Variants in ATP6V0A4 observed in about 807,000 individuals in gnomAD.
ATP6V0A4 encodes the protein V-type proton ATPase 116 kDa subunit a 4.
Under a neutral mutation model 107.3 loss-of-function variants are expected in ATP6V0A4, and 86 were observed. The observed-to-expected ratio is 0.80, with a 90% CI of 0.67 to 0.96. ATP6V0A4 has a LOEUF of 0.96. Ranked by LOEUF, ATP6V0A4 falls within the 40% of genes least tolerant of loss-of-function variation. The probability of loss-of-function intolerance (pLI) is 0.00; values close to 1 mark genes in which losing one functional copy is unlikely to be tolerated. For synonymous variants in ATP6V0A4, 353 were observed against 381.4 expected (o/e 0.93, Z 0.87); for missense variants, 908 against 1,045.6 (o/e 0.87, Z 1.81).
Position 138,771,242 on chromosome 7 carries a change from C to A in ATP6V0A4, c.6G>T (p.Val2=). 1 of 1,613,360 alleles carries A rather than the reference C, an allele frequency of 6.2e-7. No individual in the cohort carries two copies. Among genetic ancestry groups the A allele is most frequent in the Non-Finnish European group, 8.5e-7 (1 of 1,179,394 alleles). The change falls in exon 3 of 22, where the codon GTG becomes GTT. Residue 2 remains valine, a synonymous_variant. Transcript: ENST00000310018. ...ACATCTCCTCGCTTCGAAACACAGACACCATCTTGGCCCAGCCTCGGTCTA... is the reference window on the plus strand; with the variant it reads ...ACATCTCCTCGCTTCGAAACACAGAAACCATCTTGGCCCAGCCTCGGTCTA... M[V]SVFRSEEMCL...
At chr7:138,792,583 C>T (rs942579685) in intron 1 of ATP6V0A4, among the ~76,000 whole-genome samples, 1 of 151,886 alleles carries the variant, frequency 6.6e-6, no homozygotes, top group African/African-American at 2.4e-5. Context: ...ACTTGGTAAG[C>T]TGATAGATTG....
chr7:138,713,384 A>G (rs1172747355), intron 20 of ATP6V0A4, among the ~76,000 whole-genome samples: 2 of 151,816 alleles, frequency 1.3e-5, no homozygotes, highest in East Asian at 3.9e-4. Context: ...AAGTGTGTGT[A>G]TGTGAGTTTG....
intron 19 of ATP6V0A4, among the ~76,000 whole-genome samples, chr7:138,718,514 C>A: frequency 8.0e-6 from 1 of 124,514 alleles, no homozygotes; most frequent in Middle Eastern, 6.7e-3. Context: ...AGGGAGACGT[C>A]CAGGAAGGAA....
intron 18 of ATP6V0A4, among the ~76,000 whole-genome samples, chr7:138,726,630 G>A (rs938107838): frequency 6.6e-5 from 10 of 152,212 alleles, no homozygotes; most frequent in Admixed American, 5.2e-4. Flanking sequence ...ATTTCATGAA[G>A]GAGAGGTGGA....
At chr7:138,741,342 T>A (rs1584915867) in intron 14 of ATP6V0A4, among the ~76,000 whole-genome samples, 1 of 152,156 alleles carries the variant, frequency 6.6e-6, no homozygotes, top group East Asian at 1.9e-4. Flanking sequence ...TGACCGTGAC[T>A]CGCTTGCCCA....
intron 14 of ATP6V0A4, 133 bp from the exon 15 acceptor site, chr7:138,739,766 A>G: frequency 7.0e-7 from 1 of 1,437,464 alleles, no homozygotes. Context: ...TTGGTTCAAT[A>G]TCTACTACAC....
In ATP6V0A4 at chr7:138,772,760, C is replaced by T. The variant is rs192487783; in HGVS notation, c.-17-1496G>A. Among the ~76,000 whole-genome samples, 513 of 152,244 alleles carry T rather than the reference C, an allele frequency of 3.4e-3. 9 individuals are homozygous for T. The highest frequency in any genetic ancestry group is 0.012 in the African/African-American group (480 of 41,550). ...CTGGTCATCAGAGGCCTCCCAGCAG[C>T]GATCAATGCATTCCAAACTCTGGGG... On this transcript the variant is annotated intron_variant, in intron 2 of 21. Transcript: ENST00000310018.
intron 18 of ATP6V0A4, among the ~76,000 whole-genome samples, chr7:138,725,739 C>G (rs936185024): frequency 1.3e-5 from 2 of 152,126 alleles, no homozygotes; most frequent in African/African-American, 4.8e-5. Context: ...TCTCGAACTC[C>G]TGACCTCAGG....
At position 138,771,415 on chromosome 7, in the gene ATP6V0A4, T is replaced by C. The variant is rs928697854; in HGVS notation, c.-17-151A>G. ...TTTTAGGAGACTTTTTTTTTTTTTT[T>C]TTCTTAGACAGGGTCTCACTCTGTT... On this transcript the variant is annotated intron_variant, in intron 2 of 21. Transcript: ENST00000310018. The C allele has an allele frequency of 4.3e-5, 19 of 444,564 alleles. No individual in the cohort carries two copies. The African/African-American group carries it at 5.2e-4, about 12-fold the overall frequency. 27.5% of individuals were successfully genotyped at this position (444,564 alleles called of 1,614,324 possible). A position where few individuals can be genotyped will look rare whatever the true frequency, so the allele number is the denominator to read the frequency against.
At chr7:138,728,999 C>T in intron 17 of ATP6V0A4, 137 bp from the exon 18 acceptor site, 2 of 1,522,032 alleles carry the variant, frequency 1.3e-6, no homozygotes, top group Non-Finnish European at 1.8e-6. Flanking sequence ...TGAATCCATT[C>T]ACCTTCACGC....
At chr7:138,735,059 C>A (rs1436201348) in intron 15 of ATP6V0A4, among the ~76,000 whole-genome samples, 3 of 152,188 alleles carry the variant, frequency 2.0e-5, no homozygotes. Context: ...TTAAACAGCA[C>A]TGCCAGGTGG....
intron 2 of ATP6V0A4, among the ~76,000 whole-genome samples, chr7:138,775,930 G>A (rs1164997376): frequency 1.3e-5 from 2 of 152,076 alleles, no homozygotes; most frequent in South Asian, 2.1e-4. Context: ...GATTACAGGC[G>A]TGAGCCACCG....
At chr7:138,792,565 T>C (rs1203073855) in intron 1 of ATP6V0A4, among the ~76,000 whole-genome samples, 1 of 151,292 alleles carries the variant, frequency 6.6e-6, no homozygotes, top group African/African-American at 2.4e-5. Flanking sequence ...ATGGGAAGAG[T>C]AGAGAGCACT....
At chr7:138,721,266 C>G (rs750300081) in intron 19 of ATP6V0A4, among the ~76,000 whole-genome samples, 3 of 152,048 alleles carry the variant, frequency 2.0e-5, no homozygotes, top group Non-Finnish European at 4.4e-5. Flanking sequence ...GGGCCAGGCA[C>G]GGTGGCTCAT....
chr7:138,724,501 A>G (rs933652065), intron 18 of ATP6V0A4, among the ~76,000 whole-genome samples: 2 of 152,260 alleles, frequency 1.3e-5, no homozygotes, highest in South Asian at 4.1e-4. Context: ...TGCCCTCAGG[A>G]GACTGAGGAA....
chr7:138,722,642 G>A (rs1488788608), intron 18 of ATP6V0A4, among the ~76,000 whole-genome samples: 1 of 150,254 alleles, frequency 6.7e-6, no homozygotes, highest in Non-Finnish European at 1.5e-5. Context: ...CTACCCGGGA[G>A]GCTGAGGCAG....
intron 5 of ATP6V0A4, among the ~76,000 whole-genome samples, chr7:138,766,450 C>T (rs946963396): frequency 1.3e-5 from 2 of 152,116 alleles, no homozygotes; most frequent in Non-Finnish European, 2.9e-5. Context: ...AAGCAATACA[C>T]CCGCCTTGGC....
intron 20 of ATP6V0A4, among the ~76,000 whole-genome samples, chr7:138,714,476 C>T (rs1803926991): frequency 6.6e-6 from 1 of 152,010 alleles, no homozygotes; most frequent in Non-Finnish European, 1.5e-5. Flanking sequence ...GAGGCTGAGG[C>T]AAGAGGATCC....
At position 138,762,364 on chromosome 7, in the gene ATP6V0A4, GGCACT is replaced by G. The variant is rs1355514139; in HGVS notation, c.483_487del (p.Val162CysfsTer23). The G allele has an allele frequency of 6.2e-7, 1 of 1,614,166 alleles. No individual in the cohort carries two copies. The highest frequency in any genetic ancestry group is 1.3e-5 in the African/African-American group (1 of 75,032). On this transcript the variant is annotated frameshift_variant, in exon 7 of 22. Transcript: ENST00000310018. LOFTEE classifies it high-confidence loss of function. ...CCCCAACTTTCCGGTCATATATGCA[GGCACT>G]GCTTTCAACTCCAGGAGGCCAGAAG...
Sources: allele counts gnomAD v4.1 joint callset (sites outside exome capture counted in the v4.1 genomes callset), GRCh38; gene constraint gnomAD v4.1.1; transcripts MANE v1.5; gene names NCBI Gene and HGNC (gene_info 2026-07-23, HGNC 2026-07-21).